The following BUB1 variants were observed in gnomAD, a reference collection of about 807,000 sequenced individuals.
BUB1 encodes BUB1 mitotic checkpoint serine/threonine kinase, also known as mitotic checkpoint serine/threonine-protein kinase BUB1.
BUB1 carries 84 observed loss-of-function variants against 135.2 expected under a neutral mutation model. That is an observed-to-expected ratio of 0.62 (90% CI 0.52 to 0.74). The LOEUF is 0.74. Ranked by LOEUF, BUB1 falls within the 30% of genes least tolerant of loss-of-function variation. The pLI, the probability that BUB1 is intolerant of heterozygous loss-of-function variation, is 0.00. For missense variants in BUB1, 1,162 were observed against 1,288.3 expected (o/e 0.90, Z 1.50); for synonymous variants, 403 against 434.4 (o/e 0.93, Z 0.90).
Position 110,650,625 on chromosome 2 carries a change from T to C in BUB1, c.2124A>G (p.Ala708=), listed in dbSNP as rs1689759333. The C allele has an allele frequency of 1.2e-6, 2 of 1,613,982 alleles. No homozygotes were observed. Among genetic ancestry groups the C allele is most frequent in the African/African-American group, 2.7e-5 (2 of 75,030 alleles). ...CRLTDTDAAI[A]EDPPDAIAGL... is the part of the protein sequence containing the mutation. ...CAGCAATAGCATCTGGTGGATCTTC[T>C]GCAATGGCAGCGTCAGTGTCTGTGA... The change falls in exon 18 of 25, where the codon GCA becomes GCG. Residue 708 remains alanine (A), a synonymous_variant. Coordinates refer to ENST00000302759, the MANE Select transcript of BUB1 (RefSeq NM_004336.5).
At chr2:110,639,911 G>A (rs761826243) in intron 23 of BUB1, 63 bp from the exon 24 acceptor site, 11 of 1,324,692 alleles carry the variant, frequency 8.3e-6, no homozygotes, top group African/African-American at 1.4e-5. Context: ...ATATCAAGAT[G>A]CCTGTCTAAC....
chr2:110,669,705 TTTTAAAATAAGTATTA>T (rs2104555263), intron 5 of BUB1, 152 bp from the exon 6 acceptor site: 1 of 556,166 alleles, frequency 1.8e-6, no homozygotes, highest in Non-Finnish European at 3.2e-6. Flanking sequence ...ACTAAAACGT[TTTTAAAATAAGTATTA>T]TACAATTTTC....
At chr2:110,646,751 A>G (rs1689656064) in intron 19 of BUB1, among the ~76,000 whole-genome samples, 1 of 152,218 alleles carries the variant, frequency 6.6e-6, no homozygotes. Flanking sequence ...AATTTGTGGG[A>G]CGCAGTAAAG....
intron 9 of BUB1, 21 bp downstream of exon 9, chr2:110,666,242 G>T: frequency 7.4e-7 from 1 of 1,348,282 alleles, no homozygotes. Context: ...CACAGGATGT[G>T]TCATGAGGAG....
rs1235717157 is a variant in BUB1, at chr2:110,641,029, T to C, written c.2955+5A>G. The C allele has an allele frequency of 3.2e-6, 5 of 1,555,228 alleles. No homozygotes were observed. The highest frequency in any genetic ancestry group is 4.5e-5 in the East Asian group (2 of 44,178). ...ATTTCCAAGTCCCTCACTTTAGTTT[T>C]ATACCTGGTAGTTCCATGGTTTGTT... On this transcript the variant is annotated splice_donor_5th_base_variant and intron_variant, in intron 23 of 24. Coordinates refer to ENST00000302759, the MANE Select transcript of BUB1 (RefSeq NM_004336.5).
rs142576088 is a variant in BUB1 at position 110,638,726 on chromosome 2, C to T, written c.3063-567G>A. ...ATCAGGCCTGCTGAGGGTTAACTTC[C>T]AGCTCTTCTTCACACTGGTGGTCAG... On this transcript the variant is annotated intron_variant, in intron 24 of 24. Coordinates refer to ENST00000302759, the MANE Select transcript of BUB1 (RefSeq NM_004336.5). 3.1e-3 allele frequency among the ~76,000 whole-genome samples: 475 copies of T among 152,334 alleles called. 6 individuals carry two copies. Among genetic ancestry groups the T allele is most frequent in the South Asian group, 0.02 (97 of 4,822 alleles).
intron 19 of BUB1, among the ~76,000 whole-genome samples, chr2:110,643,802 G>A (rs1225293599): frequency 2.6e-5 from 4 of 151,942 alleles, no homozygotes. Flanking sequence ...ACCATGCCAG[G>A]CCCACACTAG....
intron 19 of BUB1, among the ~76,000 whole-genome samples, chr2:110,646,514 C>A (rs1164150389): frequency 6.6e-6 from 1 of 152,156 alleles, no homozygotes; most frequent in Non-Finnish European, 1.5e-5. Context: ...GCAGAATATA[C>A]ATTCTTCTCA....
At chr2:110,642,418 T>C in intron 19 of BUB1, 184 bp from the exon 20 acceptor site, 1 of 401,634 alleles carries the variant, frequency 2.5e-6, no homozygotes, top group Non-Finnish European at 4.6e-6. Context: ...AGTAGTATGC[T>C]CCTATTAACT....
rs1216185343 is a variant in BUB1 at position 110,650,741 on chromosome 2, T to C, written c.2008A>G (p.Met670Val). ...AGACGAAGTAAGGATGCTGAATACA[T>C]GTGAGACGACAAGGCCTGTTTTGGG... ...KSPKQALSSH[M>V]YSASLLRLSQ... The change falls in exon 18 of 25, where the codon ATG (methionine) becomes GTG (valine). Residue 670 changes from methionine (M) to valine (V), a missense_variant. Transcript: ENST00000302759. 3 of 1,614,034 alleles carry C rather than the reference T, an allele frequency of 1.9e-6. No homozygotes were observed. Among genetic ancestry groups the C allele is most frequent in the Non-Finnish European group, 2.5e-6 (3 of 1,179,956 alleles).
At chr2:110,675,547 G>A (rs567742607) in intron 1 of BUB1, among the ~76,000 whole-genome samples, 2 of 151,946 alleles carry the variant, frequency 1.3e-5, no homozygotes, top group South Asian at 4.2e-4. Context: ...GTAGAGGTGA[G>A]AATCGAAGTG....
chr2:110,659,775 G>T (rs1041962156), intron 11 of BUB1, among the ~76,000 whole-genome samples: 1 of 152,150 alleles, frequency 6.6e-6, no homozygotes, highest in East Asian at 1.9e-4. Context: ...TCCAAAGAAT[G>T]TTAAAGAAGA....
chr2:110,661,905 GCATTA>G, intron 9 of BUB1, 64 bp from the exon 10 acceptor site: 2 of 1,549,956 alleles, frequency 1.3e-6, no homozygotes, highest in Non-Finnish European at 1.7e-6. Context: ...TACTAATCAG[GCATTA>G]CATCTTCTCA....
intron 9 of BUB1, among the ~76,000 whole-genome samples, chr2:110,663,267 G>A (rs1267816959): frequency 6.6e-6 from 1 of 152,086 alleles, no homozygotes; most frequent in Non-Finnish European, 1.5e-5. Context: ...GCGATAGTGG[G>A]AGATTCCGTC....
rs770143203 is a variant in BUB1 at position 110,639,775 on chromosome 2, CCTT to C, written c.3026_3028del (p.Glu1009del). 3.1e-6 allele frequency: 5 copies of C among 1,613,998 alleles called. No individual in the cohort carries two copies. Among genetic ancestry groups the C allele is most frequent in the Non-Finnish European group, 4.2e-6 (5 of 1,179,920 alleles). On this transcript the variant is annotated inframe_deletion, in exon 24 of 25. Transcript: ENST00000302759. Reference sequence around the variant, plus strand: ...AAGACCTTCAGGCTTACACTCTCCTCCTTCATTTTTCACTTTCATGTAAGTGCC... The same window carrying C: ...AAGACCTTCAGGCTTACACTCTCCTCCATTTTTCACTTTCATGTAAGTGCC...
chr2:110,677,530 T>TA (rs1157720818), intron 1 of BUB1, among the ~76,000 whole-genome samples: 1 of 152,146 alleles, frequency 6.6e-6, no homozygotes, highest in Non-Finnish European at 1.5e-5. Flanking sequence ...CAAAGACTTT[T>TA]AAAAAATAGC....
intron 24 of BUB1, among the ~76,000 whole-genome samples, chr2:110,638,997 A>G (rs1241811836): frequency 6.6e-6 from 1 of 152,154 alleles, no homozygotes; most frequent in Non-Finnish European, 1.5e-5. Flanking sequence ...TTTCTCAAGA[A>G]GATATAAACA....
chr2:110,643,186 A>G (rs2104516746), intron 19 of BUB1, among the ~76,000 whole-genome samples: 1 of 152,278 alleles, frequency 6.6e-6, no homozygotes, highest in Middle Eastern at 3.4e-3. Flanking sequence ...TCAAAGGACA[A>G]TCTGCTTCCT....
At chr2:110,672,302 T>G (rs1040961806) in intron 4 of BUB1, among the ~76,000 whole-genome samples, 1 of 152,042 alleles carries the variant, frequency 6.6e-6, no homozygotes, top group Non-Finnish European at 1.5e-5. Context: ...AATTGGAGAG[T>G]GGATTATGAC....
Sources: gnomAD v4.1 joint callset for allele counts (sites outside exome capture counted in the v4.1 genomes callset) on GRCh38, gnomAD v4.1.1 for gene constraint, MANE v1.5 for transcripts, NCBI Gene and HGNC (gene_info 2026-07-23, HGNC 2026-07-21) for gene names.